ARHGAP8: variants seen among roughly 807,000 people sequenced by gnomAD.
The protein encoded by ARHGAP8 is Rho GTPase activating protein 8.
Under a neutral mutation model 46.1 loss-of-function variants are expected in ARHGAP8, and 62 were observed. The observed-to-expected ratio is 1.34, with a 90% CI of 1.10 to 1.66. The LOEUF (loss-of-function observed/expected upper bound fraction) is 1.66, where lower values mean the gene tolerates loss of function less well. Ranked by LOEUF, ARHGAP8 falls within the 40% of genes most tolerant of loss-of-function variation. The pLI, the probability that ARHGAP8 is intolerant of heterozygous loss-of-function variation, is 0.00. For synonymous variants in ARHGAP8, 375 were observed against 243.1 expected (o/e 1.54, Z -5.05); for missense variants, 923 against 568.4 (o/e 1.62, Z -6.34).
intron 11 of ARHGAP8, 145 bp downstream of exon 11, chr22:44,859,979 A>G: frequency 9.9e-7 from 1 of 1,013,890 alleles, no homozygotes; most frequent in Non-Finnish European, 1.4e-6. Context: ...CCCCCCAAGG[A>G]CCTCATCCAA....
chr22:44,862,399 T>C lies in ARHGAP8; in HGVS notation c.1106T>C (p.Phe369Ser), dbSNP rs1053645732. The C allele has an allele frequency of 4.3e-6, 7 of 1,614,006 alleles. No individual in the cohort carries two copies. The African/African-American group carries it at 9.3e-5, about 22-fold the overall frequency. Residue 369 changes from phenylalanine to serine, a missense_variant, in exon 12 of 12, where the codon TTC (phenylalanine) becomes TCC (serine). By Grantham distance (155) the Phe-to-Ser change is radical. Transcript: ENST00000356099. ...SLSALVPLNM[F>S]TELLIEYYEK... ...AGTGCCCTTGTGCCCCTGAACATGT[T>C]CACTGAACTGCTGATCGAGTACTAT...
chr22:44,783,989 T>C (rs1179603494), intron 1 of ARHGAP8, among the ~76,000 whole-genome samples: 2 of 152,166 alleles, frequency 1.3e-5, no homozygotes, highest in Admixed American at 6.6e-5. Flanking sequence ...GGGTTCTGTA[T>C]CCAAGGATGC....
At chr22:44,767,209 C>T (rs1373755655) in intron 1 of ARHGAP8, among the ~76,000 whole-genome samples, 1 of 152,142 alleles carries the variant, frequency 6.6e-6, no homozygotes, top group Non-Finnish European at 1.5e-5. Context: ...CCTTCCTTCT[C>T]TGCTCCCTCC....
chr22:44,820,699 G>T (rs184121521), intron 5 of ARHGAP8, among the ~76,000 whole-genome samples: 1 of 152,284 alleles, frequency 6.6e-6, no homozygotes, highest in East Asian at 1.9e-4. Context: ...CTTCAGCCCG[G>T]GTTCCCTGGC....
intron 4 of ARHGAP8, among the ~76,000 whole-genome samples, chr22:44,810,452 G>A (rs1929253948): frequency 6.6e-6 from 1 of 152,080 alleles, no homozygotes; most frequent in African/African-American, 2.4e-5. Context: ...ATGTTGGCCA[G>A]GCTGGTCTTG....
chr22:44,845,429 C>A, intron 8 of ARHGAP8, 87 bp downstream of exon 8: 1 of 1,571,740 alleles, frequency 6.4e-7, no homozygotes, highest in Non-Finnish European at 8.7e-7. Context: ...TGAGCACCCA[C>A]AAGCCAGGGG....
chr22:44,832,523 G>C (rs769390664), intron 7 of ARHGAP8, among the ~76,000 whole-genome samples: 1 of 152,068 alleles, frequency 6.6e-6, no homozygotes, highest in Non-Finnish European at 1.5e-5. Context: ...ACCACACCCG[G>C]TTGTCAATGT....
chr22:44,858,703 C>T (rs959657440), intron 10 of ARHGAP8, among the ~76,000 whole-genome samples: 12 of 147,946 alleles, frequency 8.1e-5, no homozygotes, highest in Non-Finnish European at 1.3e-4. Flanking sequence ...GGCTATGGAG[C>T]TCCAGTGGTA....
At chr22:44,754,373 T>A (rs132439) in intron 1 of ARHGAP8, among the ~76,000 whole-genome samples, 69,106 of 147,170 alleles carry the variant, frequency 0.47, 16,748 homozygotes, top group Non-Finnish European at 0.53. Flanking sequence ...TGTGTGTGTG[T>A]GACGCAGTTT....
chr22:44,861,835 C>T (rs541209353), intron 11 of ARHGAP8, among the ~76,000 whole-genome samples: 23 of 152,278 alleles, frequency 1.5e-4, no homozygotes, highest in East Asian at 5.8e-4. Context: ...TTCTAGCAGG[C>T]AAGCTCTTTC....
chr22:44,827,251 G>T (rs1268041379), intron 7 of ARHGAP8, among the ~76,000 whole-genome samples: 1 of 150,962 alleles, frequency 6.6e-6, no homozygotes, highest in Admixed American at 6.6e-5. Flanking sequence ...CTTCCCTGGA[G>T]CCTCCAGGTG....
In ARHGAP8 at chr22:44,856,813, C is replaced by CA. The variant is rs1206781973; in HGVS notation, c.878-2915dup. Among the ~76,000 whole-genome samples, 2 of 144,834 alleles carry CA rather than the reference C, an allele frequency of 1.4e-5. 1 individual carries two copies. The highest frequency in any genetic ancestry group is 5.5e-5 in the African/African-American group (2 of 36,476). On this transcript the variant is annotated intron_variant, in intron 10 of 11. Transcript: ENST00000356099. ...AGATCAGATGCGCTGAAGTCAAAAC[C>CA]AAAGAACCCATTCTTCCGAATGTGG...
At chr22:44,829,104 C>A (rs1293159564) in intron 7 of ARHGAP8, among the ~76,000 whole-genome samples, 35 of 113,278 alleles carry the variant, frequency 3.1e-4, no homozygotes, top group Middle Eastern at 6.8e-3. Context: ...GAAACCCTAT[C>A]TCTACTAAAA....
intron 7 of ARHGAP8, among the ~76,000 whole-genome samples, chr22:44,829,720 C>T (rs1930803903): frequency 1.3e-5 from 2 of 150,448 alleles, no homozygotes; most frequent in South Asian, 4.3e-4. Flanking sequence ...TTTGTTTGGA[C>T]TATGAATGAA....
intron 8 of ARHGAP8, among the ~76,000 whole-genome samples, chr22:44,845,936 T>C (rs2069944233): frequency 6.6e-6 from 1 of 152,092 alleles, no homozygotes; most frequent in Non-Finnish European, 1.5e-5. Flanking sequence ...CAGCTGCAGG[T>C]GTGCTAGGTG....
intron 10 of ARHGAP8, 199 bp from the exon 11 acceptor site, chr22:44,859,532 T>G: frequency 3.3e-6 from 2 of 599,668 alleles, no homozygotes; most frequent in Admixed American, 5.9e-5. Context: ...AATAACCCCA[T>G]CTCAGCAAGA....
At chr22:44,845,938 T>G (rs1329278780) in intron 8 of ARHGAP8, among the ~76,000 whole-genome samples, 1 of 152,114 alleles carries the variant, frequency 6.6e-6, no homozygotes, top group East Asian at 1.9e-4. Flanking sequence ...GCTGCAGGTG[T>G]GCTAGGTGGG....
chr22:44,826,972 A>G (rs1362606602), intron 7 of ARHGAP8, among the ~76,000 whole-genome samples: 1 of 152,218 alleles, frequency 6.6e-6, no homozygotes, highest in Admixed American at 6.5e-5. Context: ...GACGAAGTCC[A>G]TGCCCTCATT....
chr22:44,828,362 G>A (rs888465400), intron 7 of ARHGAP8, among the ~76,000 whole-genome samples: 11 of 151,774 alleles, frequency 7.2e-5, no homozygotes, highest in Non-Finnish European at 1.3e-4. Context: ...CAGTGACCTC[G>A]GTCCCCTCCT....
Sources: gnomAD v4.1 joint callset for allele counts (sites outside exome capture counted in the v4.1 genomes callset) on GRCh38, gnomAD v4.1.1 for gene constraint, MANE v1.5 for transcripts, NCBI Gene and HGNC (gene_info 2026-07-23, HGNC 2026-07-21) for gene names.